The following BTRC variants were observed in gnomAD, a reference collection of about 807,000 sequenced individuals.
The protein encoded by BTRC is beta-transducin repeat containing E3 ubiquitin protein ligase, also known as F-box/WD repeat-containing protein 1A.
BTRC carries 42 observed loss-of-function variants against 85.5 expected under a neutral mutation model. The observed-to-expected ratio is 0.49, with a 90% CI of 0.38 to 0.64. The LOEUF (loss-of-function observed/expected upper bound fraction) is 0.64, where lower values mean the gene tolerates loss of function less well. BTRC is among the 30% of genes least tolerant of loss of function. The probability of loss-of-function intolerance (pLI) is 0.00; values close to 1 mark genes in which losing one functional copy is unlikely to be tolerated. For synonymous variants in BTRC, 255 were observed against 263.3 expected (o/e 0.97, Z 0.30); for missense variants, 594 against 743.5 (o/e 0.80, Z 2.34).
chr10:101,473,465 C>CTTTTTTTTT (rs869163139), intron 3 of BTRC, among the ~76,000 whole-genome samples: 74 of 96,738 alleles, frequency 7.6e-4, no homozygotes, highest in Middle Eastern at 7.0e-3. Flanking sequence ...TCTTTTTTCT[C>CTTTTTTTTT]TTTTTTTTTT....
At chr10:101,529,637 A>C (rs2062251059) in intron 6 of BTRC, among the ~76,000 whole-genome samples, 1 of 152,004 alleles carries the variant, frequency 6.6e-6, no homozygotes, top group Non-Finnish European at 1.5e-5. Flanking sequence ...TGTTTCATTA[A>C]TCCCCCTTTT....
chr10:101,379,637 C>T (rs1370081828), intron 1 of BTRC, among the ~76,000 whole-genome samples: 1 of 151,952 alleles, frequency 6.6e-6, no homozygotes. Flanking sequence ...TGATGATTAT[C>T]TTTTTAATTA....
chr10:101,354,450 G>A (rs887102234), intron 1 of BTRC: 10 of 547,742 alleles, frequency 1.8e-5, no homozygotes, highest in African/African-American at 4.1e-5. Context: ...TGGATGAGAG[G>A]CCAAGTGACA....
intron 1 of BTRC, among the ~76,000 whole-genome samples, chr10:101,389,851 T>G (rs1465609757): frequency 6.6e-6 from 1 of 152,028 alleles, no homozygotes; most frequent in Non-Finnish European, 1.5e-5. Context: ...TCTTGACCTC[T>G]TGGGTTCAAG....
At chr10:101,514,991 T>C (rs2062004172) in intron 4 of BTRC, among the ~76,000 whole-genome samples, 1 of 152,212 alleles carries the variant, frequency 6.6e-6, no homozygotes, top group Admixed American at 6.5e-5. Flanking sequence ...AGTTTTACTC[T>C]GTAATCCAGG....
Position 101,556,616 on chromosome 10 carries a change from A to G in BTRC, c.*3493A>G, listed in dbSNP as rs975703502. ...ACAGTGTCAACATAGTATCGGAAAGAGAGCCATTTCTTAGGGGAATAAAAC... is the reference window on the plus strand; with the variant it reads ...ACAGTGTCAACATAGTATCGGAAAGGGAGCCATTTCTTAGGGGAATAAAAC... On this transcript the variant is annotated 3_prime_UTR_variant, in exon 15 of 15. Transcript: ENST00000370187. 6 of 152,250 alleles carry G rather than the reference A, an allele frequency of 3.9e-5. No individual in the cohort carries two copies. Among genetic ancestry groups the G allele is most frequent in the Admixed American group, 2.0e-4 (3 of 15,286 alleles). 9.4% of individuals were successfully genotyped at this position (152,250 alleles called of 1,614,324 possible).
intron 1 of BTRC, among the ~76,000 whole-genome samples, chr10:101,424,357 C>G (rs1006298822): frequency 1.3e-5 from 2 of 152,150 alleles, no homozygotes; most frequent in Non-Finnish European, 2.9e-5. Context: ...AATTGGGATT[C>G]TTAAGAGGCA....
intron 12 of BTRC, 92 bp downstream of exon 12, chr10:101,536,745 TA>T (rs897280358): frequency 2.2e-6 from 2 of 928,856 alleles, no homozygotes; most frequent in Admixed American, 4.7e-5. Context: ...TCCTTGTTTC[TA>T]AAAGCTTATA....
At chr10:101,469,113 T>C (rs1370415190) in intron 3 of BTRC, among the ~76,000 whole-genome samples, 1 of 152,238 alleles carries the variant, frequency 6.6e-6, no homozygotes, top group Non-Finnish European at 1.5e-5. Flanking sequence ...ACTCTCTGCC[T>C]CTGGTTCAGC....
At chr10:101,425,190 C>T (rs933106675) in intron 1 of BTRC, among the ~76,000 whole-genome samples, 1 of 152,064 alleles carries the variant, frequency 6.6e-6, no homozygotes, top group Admixed American at 6.6e-5. Flanking sequence ...TTTCTTTATC[C>T]AGTCTTCCGT....
intron 2 of BTRC, chr10:101,453,377 C>T (rs574541400): frequency 6.6e-6 from 1 of 152,206 alleles, no homozygotes; most frequent in East Asian, 1.9e-4. Context: ...TAGAATTATC[C>T]CAGTTACAGA....
intron 4 of BTRC, among the ~76,000 whole-genome samples, chr10:101,504,620 T>C (rs1946472632): frequency 6.6e-6 from 1 of 152,082 alleles, no homozygotes; most frequent in Non-Finnish European, 1.5e-5. Flanking sequence ...CCCTCTTCTC[T>C]AGCCCTAGCC....
intron 1 of BTRC, among the ~76,000 whole-genome samples, chr10:101,420,579 G>A (rs11191003): frequency 0.029 from 4,375 of 152,138 alleles, 109 homozygotes; most frequent in Middle Eastern, 0.048. Flanking sequence ...CAGTTCCTAC[G>A]TGGTAGCCTT....
chr10:101,461,804 G>A (rs1945233057), intron 2 of BTRC, among the ~76,000 whole-genome samples, 177 bp from the exon 3 acceptor site: 1 of 152,022 alleles, frequency 6.6e-6, no homozygotes, highest in South Asian at 2.1e-4. Context: ...TTATATACAT[G>A]GGCATATGTT....
chr10:101,358,261 T>C (rs1192942034), intron 1 of BTRC, among the ~76,000 whole-genome samples: 2 of 73,926 alleles, frequency 2.7e-5, no homozygotes, highest in Non-Finnish European at 4.5e-5. Flanking sequence ...ATGCTGGCTA[T>C]TTTTTTTTTC....
intron 1 of BTRC, among the ~76,000 whole-genome samples, chr10:101,375,792 C>G (rs1056509228): frequency 3.9e-5 from 6 of 152,168 alleles, no homozygotes; most frequent in African/African-American, 1.4e-4. Context: ...AGTTCTTTTT[C>G]CCCCCTCTTC....
At chr10:101,384,292 C>T (rs1943011243) in intron 1 of BTRC, among the ~76,000 whole-genome samples, 1 of 152,184 alleles carries the variant, frequency 6.6e-6, no homozygotes, top group African/African-American at 2.4e-5. Flanking sequence ...CTATAAACAT[C>T]AGAGAGAAGA....
At position 101,473,465 on chromosome 10, in the gene BTRC, CTTTTTTTTTTTTT is replaced by C. The variant is rs869163139; in HGVS notation, c.235-5892_235-5880del. Among the ~76,000 whole-genome samples the C allele has an allele frequency of 1.8e-4, 17 of 96,774 alleles. 1 individual carries two copies. Among genetic ancestry groups the C allele is most frequent in the African/African-American group, 6.6e-4 (15 of 22,582 alleles). 63.5% of individuals were successfully genotyped at this position (96,774 alleles called of 152,430 possible). A position where few individuals can be genotyped will look rare whatever the true frequency, so the allele number is the denominator to read the frequency against. On this transcript the variant is annotated intron_variant, in intron 3 of 14. Coordinates refer to ENST00000370187, the MANE Select transcript of BTRC (RefSeq NM_033637.4). The stretch of plus-strand genomic sequence containing the variant: ...TACCCAACTAATTTTTCTTTTTTCT[CTTTTTTTTTTTTT>C]TTTTTTTTTTGAGACAGAATCTCAA...
chr10:101,418,914 T>C (rs117631105), intron 1 of BTRC, among the ~76,000 whole-genome samples: 1,553 of 152,288 alleles, frequency 0.01, 16 homozygotes, highest in Non-Finnish European at 0.017. Context: ...TGTTTTCATA[T>C]ACATATTCAT....
Sources: gnomAD v4.1 joint callset for allele counts (sites outside exome capture counted in the v4.1 genomes callset) on GRCh38, gnomAD v4.1.1 for gene constraint, MANE v1.5 for transcripts, NCBI Gene and HGNC (gene_info 2026-07-23, HGNC 2026-07-21) for gene names.